The following PTGER3 variants were observed in gnomAD, a reference collection of about 807,000 sequenced individuals.
The protein encoded by PTGER3 is prostaglandin E2 receptor EP3 subtype.
In PTGER3, 22 loss-of-function variants were observed where a neutral mutation model predicts 34.7. The observed-to-expected ratio is 0.63, with a 90% CI of 0.45 to 0.91. PTGER3 has a LOEUF of 0.91. Ranked by LOEUF, PTGER3 falls within the 40% of genes least tolerant of loss-of-function variation. The probability of loss-of-function intolerance (pLI) is 0.00; values close to 1 mark genes in which losing one functional copy is unlikely to be tolerated. For synonymous variants in PTGER3, 241 were observed against 230.1 expected (o/e 1.05, Z -0.43); for missense variants, 468 against 519.4 (o/e 0.90, Z 0.96).
At chr1:71,029,752 C>A (rs539647249) in intron 1 of PTGER3, among the ~76,000 whole-genome samples, 56 of 151,840 alleles carry the variant, frequency 3.7e-4, no homozygotes, top group African/African-American at 1.4e-3. Context: ...ATGGTGAAAC[C>A]CCATCTGTAC....
intron 2 of PTGER3, among the ~76,000 whole-genome samples, chr1:70,987,949 A>T (rs999057282): frequency 9.2e-5 from 14 of 152,194 alleles, no homozygotes; most frequent in Non-Finnish European, 1.9e-4. Flanking sequence ...TTTATTGTTA[A>T]ACAGCTCTCA....
chr1:70,901,932 C>A (rs895838116), intron 4 of PTGER3, among the ~76,000 whole-genome samples: 1 of 151,994 alleles, frequency 6.6e-6, no homozygotes, highest in African/African-American at 2.4e-5. Context: ...AAGCTCAGGG[C>A]AGAGATTTGA....
intron 2 of PTGER3, among the ~76,000 whole-genome samples, chr1:70,978,840 C>A (rs955513747): frequency 5.9e-5 from 9 of 152,070 alleles, no homozygotes; most frequent in South Asian, 2.1e-4. Flanking sequence ...CTAAAAGGAG[C>A]CTTGGAGATG....
At chr1:71,000,542 G>C (rs961950846) in intron 2 of PTGER3, among the ~76,000 whole-genome samples, 1 of 152,124 alleles carries the variant, frequency 6.6e-6, no homozygotes, top group Non-Finnish European at 1.5e-5. Context: ...AGCAGATGTG[G>C]TCAAAATGAG....
At chr1:70,939,193 C>A (rs1369258158) in intron 4 of PTGER3, among the ~76,000 whole-genome samples, 1 of 152,206 alleles carries the variant, frequency 6.6e-6, no homozygotes, top group Non-Finnish European at 1.5e-5. Flanking sequence ...CATTTAAAAG[C>A]TCCAAAATGA....
intron 2 of PTGER3, among the ~76,000 whole-genome samples, chr1:70,960,031 G>A (rs1218599968): frequency 6.6e-6 from 1 of 152,158 alleles, no homozygotes; most frequent in Non-Finnish European, 1.5e-5. Flanking sequence ...AGAACACTAT[G>A]TGAACCTAAA....
intron 4 of PTGER3, among the ~76,000 whole-genome samples, chr1:70,898,854 G>A (rs1646777145): frequency 6.6e-6 from 1 of 152,032 alleles, no homozygotes; most frequent in Non-Finnish European, 1.5e-5. Context: ...CTCAAAAAAG[G>A]AGATACAATT....
intron 4 of PTGER3, among the ~76,000 whole-genome samples, chr1:70,942,306 T>C (rs114354415): frequency 3.1e-4 from 47 of 152,306 alleles, no homozygotes; most frequent in African/African-American, 1.1e-3. Flanking sequence ...CCTGAACTAT[T>C]CCTTGAAGGA....
chr1:70,922,827 G>GTTA (rs1557657467), intron 4 of PTGER3, among the ~76,000 whole-genome samples: 1 of 152,200 alleles, frequency 6.6e-6, no homozygotes, highest in Non-Finnish European at 1.5e-5. Context: ...AAGCTGAAGT[G>GTTA]TTATGCAAGT....
intron 4 of PTGER3, among the ~76,000 whole-genome samples, chr1:70,897,977 T>C (rs1646757614): frequency 6.6e-6 from 1 of 151,770 alleles, no homozygotes; most frequent in Non-Finnish European, 1.5e-5. Context: ...ACTTAATGTA[T>C]TTGAACATGT....
chr1:70,882,948 C>T (rs185808890), intron 4 of PTGER3, among the ~76,000 whole-genome samples: 16 of 152,316 alleles, frequency 1.1e-4, no homozygotes, highest in Admixed American at 6.5e-4. Flanking sequence ...GAGCAGCACA[C>T]GTGAGCTGCT....
chr1:70,955,544 A>T (rs1651234308), intron 2 of PTGER3, among the ~76,000 whole-genome samples: 4 of 152,068 alleles, frequency 2.6e-5, no homozygotes, highest in Admixed American at 2.0e-4. Flanking sequence ...AGAGGGGAAA[A>T]GTCCTACTAA....
chr1:70,935,424 A>C (rs1649116435), intron 4 of PTGER3, among the ~76,000 whole-genome samples: 1 of 152,024 alleles, frequency 6.6e-6, no homozygotes, highest in Non-Finnish European at 1.5e-5. Flanking sequence ...TCAATATACT[A>C]TCTGGCATGT....
intron 4 of PTGER3, among the ~76,000 whole-genome samples, chr1:70,862,657 A>G (rs1645952481): frequency 6.6e-6 from 1 of 152,184 alleles, no homozygotes; most frequent in Non-Finnish European, 1.5e-5. Context: ...GAAAACAAAC[A>G]TGAAGTGTTT....
chr1:71,043,848 G>T (rs1660518775), intron 1 of PTGER3, among the ~76,000 whole-genome samples: 1 of 149,754 alleles, frequency 6.7e-6, no homozygotes, highest in Admixed American at 6.6e-5. Flanking sequence ...AGGGAGTCCT[G>T]CTCTGTCACC....
chr1:70,861,529 G>C (rs1174821077), intron 4 of PTGER3, among the ~76,000 whole-genome samples: 1 of 152,012 alleles, frequency 6.6e-6, no homozygotes, highest in African/African-American at 2.4e-5. Flanking sequence ...TAGGCTACTT[G>C]CTTTTCAGTT....
intron 2 of PTGER3, among the ~76,000 whole-genome samples, chr1:70,965,309 A>T (rs771035093): frequency 6.6e-6 from 1 of 152,228 alleles, no homozygotes; most frequent in African/African-American, 2.4e-5. Flanking sequence ...TTAACAAAAC[A>T]TAACTCTGGC....
rs1647035667 is a variant in PTGER3 at position 70,910,361 on chromosome 1, G to A, written c.*23+43402C>T. On this transcript the variant is annotated intron_variant, in intron 4 of 4. Transcript: ENST00000370931. The stretch of plus-strand genomic sequence containing the variant: ...ATCTCTGGTCCACCAATTACACCCA[G>A]GTTGGTGAACCATGGCTGATGGTGT... Among the ~76,000 whole-genome samples the A allele has an allele frequency of 2.6e-5, 4 of 152,078 alleles. No homozygotes were observed. In the South Asian group the frequency reaches 8.3e-4, roughly 32 times the overall value.
intron 4 of PTGER3, chr1:70,886,253 T>C (rs1374595645): frequency 2.2e-6 from 1 of 445,878 alleles, no homozygotes. Context: ...GACTGACATG[T>C]GCAAACCAAA....
Sources: allele counts gnomAD v4.1 joint callset (sites outside exome capture counted in the v4.1 genomes callset), GRCh38; gene constraint gnomAD v4.1.1; transcripts MANE v1.5; gene names NCBI Gene and HGNC (gene_info 2026-07-23, HGNC 2026-07-21).